Variants in SCFD2 observed in about 807,000 individuals in gnomAD.
SCFD2 encodes sec1 family domain containing 2.
In SCFD2, 54 loss-of-function variants were observed where a neutral mutation model predicts 58.9. That is an observed-to-expected ratio of 0.92 (90% confidence interval 0.74 to 1.15). The LOEUF (loss-of-function observed/expected upper bound fraction) is 1.15, where lower values mean the gene tolerates loss of function less well. Ranked by LOEUF, SCFD2 falls within the 50% of genes most tolerant of loss-of-function variation. The pLI is 0.00. For missense variants in SCFD2, 805 were observed against 836.6 expected, an observed-to-expected ratio of 0.96 and a Z score of 0.47; for synonymous variants, 321 against 335.9, an observed-to-expected ratio of 0.96 and a Z score of 0.49.
At chr4:53,007,305 G>GGAGGGAGAGA (rs1721991087) in intron 5 of SCFD2, among the ~76,000 whole-genome samples, 4 of 66,072 alleles carry the variant, frequency 6.1e-5, no homozygotes, top group African/African-American at 1.9e-4. Flanking sequence ...AGAGGGAGAG[G>GGAGGGAGAGA]GAGAGAGAGA....
chr4:53,126,511 T>TCC (rs1725633659), intron 5 of SCFD2, among the ~76,000 whole-genome samples: 2 of 152,192 alleles, frequency 1.3e-5, no homozygotes, highest in Non-Finnish European at 2.9e-5. Flanking sequence ...AGACAGGGTT[T>TCC]TGCCATGTTG....
At chr4:53,312,084 AGGAG>A (rs1732710660) in intron 3 of SCFD2, among the ~76,000 whole-genome samples, 1 of 152,118 alleles carries the variant, frequency 6.6e-6, no homozygotes, top group East Asian at 1.9e-4. Context: ...GAAGGAAGAA[AGGAG>A]GAAGAAAGGA....
intron 6 of SCFD2, among the ~76,000 whole-genome samples, chr4:52,918,075 G>A (rs965154172): frequency 2.0e-5 from 3 of 152,300 alleles, no homozygotes; most frequent in East Asian, 3.9e-4. Context: ...ACTCTCCCAC[G>A]TGACCAGGGA....
chr4:53,053,532 A>T (rs937318391), intron 5 of SCFD2, among the ~76,000 whole-genome samples: 43 of 152,288 alleles, frequency 2.8e-4, no homozygotes, highest in African/African-American at 1.0e-3. Flanking sequence ...AGCTCTTTGT[A>T]ATCTACTCCC....
intron 5 of SCFD2, among the ~76,000 whole-genome samples, chr4:52,942,089 G>T (rs1381555976): frequency 3.3e-5 from 5 of 152,162 alleles, no homozygotes; most frequent in Admixed American, 2.0e-4. Context: ...GATGAAAATG[G>T]TATACGAGAG....
chr4:52,916,932 C>T (rs1719623911), intron 6 of SCFD2, among the ~76,000 whole-genome samples: 1 of 152,170 alleles, frequency 6.6e-6, no homozygotes, highest in African/African-American at 2.4e-5. Flanking sequence ...AGGGGTATCA[C>T]TCTTGCCCAG....
intron 4 of SCFD2, among the ~76,000 whole-genome samples, chr4:53,191,999 G>A (rs1348427876): frequency 6.6e-6 from 1 of 152,170 alleles, no homozygotes; most frequent in Non-Finnish European, 1.5e-5. Context: ...AACATTTAAT[G>A]TCAGGAATCC....
At chr4:53,216,315 AATTTCAGAGCCTGTT>A (rs1442908926) in intron 4 of SCFD2, among the ~76,000 whole-genome samples, 1 of 152,100 alleles carries the variant, frequency 6.6e-6, no homozygotes, top group Non-Finnish European at 1.5e-5. Flanking sequence ...TTATTGCCTC[AATTTCAGAGCCTGTT>A]ATTGGTCTAT....
chr4:53,220,168 C>T (rs945743786), intron 4 of SCFD2, among the ~76,000 whole-genome samples: 3 of 152,192 alleles, frequency 2.0e-5, no homozygotes, highest in Admixed American at 6.5e-5. Flanking sequence ...TGCTTTTTAG[C>T]CCATGACCCA....
chr4:53,251,046 G>C (rs986321591), intron 4 of SCFD2, among the ~76,000 whole-genome samples: 1 of 152,054 alleles, frequency 6.6e-6, no homozygotes, highest in African/African-American at 2.4e-5. Context: ...AATGACAATG[G>C]GGATATCACC....
At chr4:52,919,227 C>T (rs1422166954) in intron 6 of SCFD2, among the ~76,000 whole-genome samples, 1 of 152,118 alleles carries the variant, frequency 6.6e-6, no homozygotes, top group Non-Finnish European at 1.5e-5. Context: ...TGGGAAAGAC[C>T]TCATTCATTT....
chr4:53,280,318 C>T (rs1199703516), intron 3 of SCFD2, among the ~76,000 whole-genome samples: 3 of 152,094 alleles, frequency 2.0e-5, no homozygotes, highest in African/African-American at 7.2e-5. Flanking sequence ...GAGTTTGGGA[C>T]AAGCCTGGCC....
At chr4:53,258,937 T>TCA (rs1730743050) in intron 4 of SCFD2, among the ~76,000 whole-genome samples, 1 of 152,220 alleles carries the variant, frequency 6.6e-6, no homozygotes, top group South Asian at 2.1e-4. Context: ...TAAGATGGTA[T>TCA]CACACTGTGG....
chr4:53,238,406 A>C lies in SCFD2; in HGVS notation c.1311+35420T>G, dbSNP rs1729753982. Reference sequence around the variant, plus strand: ...GGGCGGCTGGCCTGGCGGGGGGCTGACCCCCCTACCTCCCTCCCGGATGGG... The same window carrying C: ...GGGCGGCTGGCCTGGCGGGGGGCTGCCCCCCCTACCTCCCTCCCGGATGGG... On this transcript the variant is annotated intron_variant, in intron 4 of 8. Transcript: ENST00000401642. Among the ~76,000 whole-genome samples, 6 of 119,278 alleles carry C rather than the reference A, an allele frequency of 5.0e-5. 1 individual carries two copies. The South Asian group carries it at 1.7e-3, about 34-fold the overall frequency. The allele number at this position is 119,278 out of a possible 152,430, so 78.3% of individuals were successfully genotyped here.
chr4:52,973,725 T>A (rs1721173759), intron 5 of SCFD2, among the ~76,000 whole-genome samples: 1 of 152,100 alleles, frequency 6.6e-6, no homozygotes, highest in African/African-American at 2.4e-5. Flanking sequence ...AAAAAGAGAA[T>A]TTTAGACCAA....
chr4:53,082,649 A>C (rs1362533576), intron 5 of SCFD2, among the ~76,000 whole-genome samples: 9 of 152,218 alleles, frequency 5.9e-5, no homozygotes, highest in Admixed American at 5.2e-4. Context: ...ATCTACCCTC[A>C]CACACAGGGG....
At chr4:53,329,935 C>T (rs1326351357) in intron 2 of SCFD2, among the ~76,000 whole-genome samples, 42 of 151,692 alleles carry the variant, frequency 2.8e-4, no homozygotes, top group Admixed American at 1.1e-3. Flanking sequence ...GGCTCGAGAA[C>T]TACATGAAGA....
At position 53,064,608 on chromosome 4, in the gene SCFD2, A is replaced by C. The variant is rs150698753; in HGVS notation, c.1561+80725T>G. Among the ~76,000 whole-genome samples the C allele has an allele frequency of 9.7e-4, 148 of 152,288 alleles. 1 individual carries two copies. The highest frequency in any genetic ancestry group is 3.4e-3 in the African/African-American group (142 of 41,580). Reference sequence around the variant, plus strand: ...TGAAGGTGTTTAAAAGAGGAGAAGAAACAGTAAGACATAGTGGTTGAGGGG... The same window carrying C: ...TGAAGGTGTTTAAAAGAGGAGAAGACACAGTAAGACATAGTGGTTGAGGGG... On this transcript the variant is annotated intron_variant, in intron 5 of 8. Coordinates refer to ENST00000401642, the MANE Select transcript of SCFD2 (RefSeq NM_152540.4).
intron 5 of SCFD2, among the ~76,000 whole-genome samples, chr4:53,094,037 A>G (rs1163905178): frequency 7.9e-5 from 12 of 152,168 alleles, no homozygotes; most frequent in African/African-American, 2.2e-4. Context: ...CACGAGACTT[A>G]AAGTTACAAG....
Sources: allele counts gnomAD v4.1 joint callset (sites outside exome capture counted in the v4.1 genomes callset), GRCh38; gene constraint gnomAD v4.1.1; transcripts MANE v1.5; gene names NCBI Gene and HGNC (gene_info 2026-07-23, HGNC 2026-07-21).